Variants in SLC1A3 observed in about 807,000 individuals in gnomAD.
SLC1A3 encodes excitatory amino acid transporter 1.
SLC1A3 carries 21 observed loss-of-function variants against 48.1 expected under a neutral mutation model. The ratio of observed to expected loss-of-function variants is 0.44; its 90% CI spans 0.31 to 0.63. The LOEUF (loss-of-function observed/expected upper bound fraction) is 0.63. Ranked by LOEUF, SLC1A3 falls within the 20% of genes least tolerant of loss-of-function variation. The pLI is 0.08. For synonymous variants in SLC1A3, 239 were observed against 251.4 expected (o/e 0.95, Z 0.47); for missense variants, 546 against 689.0 (o/e 0.79, Z 2.32).
chr5:36,610,327 T>C (rs1739142274), intron 2 of SLC1A3, among the ~76,000 whole-genome samples: 2 of 152,336 alleles, frequency 1.3e-5, no homozygotes, highest in South Asian at 4.1e-4. Flanking sequence ...TTTACCCGGT[T>C]ACCTCAAAAG....
At chr5:36,622,172 C>T (rs1739703095) in intron 2 of SLC1A3, among the ~76,000 whole-genome samples, 1 of 152,154 alleles carries the variant, frequency 6.6e-6, no homozygotes, top group Non-Finnish European at 1.5e-5. Context: ...TCCTGTAGCA[C>T]TAATGCTCAA....
At chr5:36,683,125 T>C (rs1742501758) in intron 8 of SLC1A3, among the ~76,000 whole-genome samples, 1 of 152,236 alleles carries the variant, frequency 6.6e-6, no homozygotes, top group African/African-American at 2.4e-5. Flanking sequence ...TAATCATGAA[T>C]GTTCAGTAAC....
Position 36,620,199 on chromosome 5 carries a change from T to C in SLC1A3, c.182-9251T>C, listed in dbSNP as rs561771791. On this transcript the variant is annotated intron_variant, in intron 2 of 9. Coordinates refer to ENST00000265113, the MANE Select transcript of SLC1A3 (RefSeq NM_004172.5). The stretch of plus-strand genomic sequence containing the variant: ...GATACTGATATTAAACGCTACAGGT[T>C]TGATGTGAAAATTAAATCATTTAGA... Among the ~76,000 whole-genome samples, 7 of 152,308 alleles carry C rather than the reference T, an allele frequency of 4.6e-5. No homozygotes were observed. In the South Asian group the frequency reaches 1.5e-3, roughly 32 times the overall value.
intron 3 of SLC1A3, among the ~76,000 whole-genome samples, chr5:36,631,998 T>C (rs988676379): frequency 6.6e-6 from 1 of 152,216 alleles, no homozygotes; most frequent in Non-Finnish European, 1.5e-5. Context: ...ATGCCTCCAG[T>C]GGCCACGTGG....
At chr5:36,654,143 A>G (rs1267948757) in intron 3 of SLC1A3, among the ~76,000 whole-genome samples, 1 of 152,184 alleles carries the variant, frequency 6.6e-6, no homozygotes, top group African/African-American at 2.4e-5. Context: ...CGCCCAGCCT[A>G]ATGTTTTCTT....
At position 36,617,980 on chromosome 5, in the gene SLC1A3, C is replaced by A. The variant is rs529980061; in HGVS notation, c.181+9376C>A. On this transcript the variant is annotated intron_variant, in intron 2 of 9. Coordinates refer to ENST00000265113, the MANE Select transcript of SLC1A3 (RefSeq NM_004172.5). Reference sequence around the variant, plus strand: ...ACTCCATAGAATTTGTAGTCATTTGCTACAAATGTGGGATTTAAAAAAGAG... The same window carrying A: ...ACTCCATAGAATTTGTAGTCATTTGATACAAATGTGGGATTTAAAAAAGAG... 3.3e-5 allele frequency among the ~76,000 whole-genome samples: 5 copies of A among 149,272 alleles called. No individual in the cohort carries two copies. In the East Asian group the frequency reaches 1.1e-3, roughly 32 times the overall value.
chr5:36,619,720 A>C (rs1349159411), intron 2 of SLC1A3, among the ~76,000 whole-genome samples: 1 of 152,214 alleles, frequency 6.6e-6, no homozygotes, highest in African/African-American at 2.4e-5. Flanking sequence ...TGATTTCTCC[A>C]AATTGGGCCA....
intron 2 of SLC1A3, among the ~76,000 whole-genome samples, chr5:36,627,704 A>G (rs1388726098): frequency 6.6e-6 from 1 of 152,224 alleles, no homozygotes; most frequent in Non-Finnish European, 1.5e-5. Context: ...TATGATTTCC[A>G]TGTGTTTAAC....
At chr5:36,663,738 T>C (rs1741618285) in intron 3 of SLC1A3, among the ~76,000 whole-genome samples, 1 of 152,200 alleles carries the variant, frequency 6.6e-6, no homozygotes, top group Admixed American at 6.5e-5. Flanking sequence ...TAAAATGTCA[T>C]TTGTGATATT....
intron 3 of SLC1A3, among the ~76,000 whole-genome samples, chr5:36,663,092 G>C (rs1041713634): frequency 4.6e-5 from 7 of 152,348 alleles, no homozygotes; most frequent in African/African-American, 1.7e-4. Context: ...AGGATACAGT[G>C]ATTTAGTTGA....
rs1433825221 is a variant in SLC1A3 at position 36,686,177 on chromosome 5, G to C, written c.1537G>C (p.Val513Leu). The change falls in exon 10 of 10, where the codon GTG (valine) becomes CTG (leucine). Residue 513 changes from valine to leucine, a missense_variant. Val to Leu is a conservative substitution (Grantham distance 32). This residue lies in a region of SLC1A3 where 56 missense variants were observed against 59.0 expected (regional missense o/e 0.95). Coordinates refer to ENST00000265113, the MANE Select transcript of SLC1A3 (RefSeq NM_004172.5). ...CAGAGATGTTGAAATGGGTAACTCA[G>C]TGATTGAAGAGAATGAAATGAAGAA... Reference protein sequence around the residue: ...KNRDVEMGNSVIEENEMKKPY... With the variant: ...KNRDVEMGNSLIEENEMKKPY... 6.2e-7 allele frequency: 1 copy of C among 1,614,046 alleles called. No homozygotes were observed. Among genetic ancestry groups the C allele is most frequent in the Admixed American group, 1.7e-5 (1 of 60,026 alleles).
At position 36,673,791 on chromosome 5, in the gene SLC1A3, A is replaced by G. The variant is rs566697275; in HGVS notation, c.525-258A>G. The stretch of plus-strand genomic sequence containing the variant: ...TAGTAGCAGGGTTTTTAATAATATA[A>G]TGGCTGAGTGAAGAACCCCATTGGC... On this transcript the variant is annotated intron_variant, in intron 4 of 9. Transcript: ENST00000265113. Among the ~76,000 whole-genome samples the G allele has an allele frequency of 3.9e-5, 6 of 152,268 alleles. No individual in the cohort carries two copies. In the South Asian group the frequency reaches 1.0e-3, roughly 26 times the overall value.
At chr5:36,653,672 G>A (rs965728665) in intron 3 of SLC1A3, among the ~76,000 whole-genome samples, 1 of 152,114 alleles carries the variant, frequency 6.6e-6, no homozygotes, top group African/African-American at 2.4e-5. Flanking sequence ...TTCTCAACCT[G>A]ATGCACTGTT....
chr5:36,666,550 C>G (rs556833942), intron 3 of SLC1A3: 1 of 152,292 alleles, frequency 6.6e-6, no homozygotes, highest in Admixed American at 6.5e-5. Flanking sequence ...GACTACTTCT[C>G]TAGATTTTGT....
At chr5:36,685,202 CA>C (rs1262681352) in intron 9 of SLC1A3, among the ~76,000 whole-genome samples, 9 of 152,088 alleles carry the variant, frequency 5.9e-5, no homozygotes, top group African/African-American at 2.2e-4. Context: ...CATCTTTAAA[CA>C]AAAAGGTTAT....
At chr5:36,597,102 C>G (rs1015857961) in intron 1 of SLC1A3, among the ~76,000 whole-genome samples, 14 of 151,940 alleles carry the variant, frequency 9.2e-5, no homozygotes, top group African/African-American at 3.1e-4. Context: ...GGTCTTCAGG[C>G]TGATTTTGCT....
intron 3 of SLC1A3, among the ~76,000 whole-genome samples, chr5:36,652,310 G>C (rs973447133): frequency 7.5e-6 from 1 of 132,868 alleles, no homozygotes; most frequent in Non-Finnish European, 1.7e-5. Context: ...CAAGTGGCGT[G>C]AGCGCACACA....
intron 2 of SLC1A3, among the ~76,000 whole-genome samples, chr5:36,627,206 T>C (rs1739941949): frequency 6.6e-6 from 1 of 152,122 alleles, no homozygotes; most frequent in Admixed American, 6.5e-5. Flanking sequence ...TAGGATTGAA[T>C]AGATGCTTGG....
chr5:36,599,728 G>C (rs975383084), intron 1 of SLC1A3, among the ~76,000 whole-genome samples: 4 of 151,800 alleles, frequency 2.6e-5, no homozygotes, highest in African/African-American at 7.3e-5. Flanking sequence ...GGCTGGTCTC[G>C]TACTCCTGAC....
Sources: allele counts gnomAD v4.1 joint callset (sites outside exome capture counted in the v4.1 genomes callset), GRCh38; gene constraint gnomAD v4.1.1; regional missense constraint gnomAD v4.1.1; transcripts MANE v1.5; gene names NCBI Gene and HGNC (gene_info 2026-07-23, HGNC 2026-07-21).